The following RAP1GAP2 variants were observed in gnomAD, a reference collection of about 807,000 sequenced individuals.
RAP1GAP2 encodes the protein RAP1 GTPase activating protein 2, also known as rap1 GTPase-activating protein 2.
RAP1GAP2 carries 27 observed loss-of-function variants against 95.0 expected under a neutral mutation model. The ratio of observed to expected loss-of-function variants is 0.28; its 90% CI spans 0.21 to 0.39. The LOEUF (loss-of-function observed/expected upper bound fraction) is 0.39. RAP1GAP2 is among the 10% of genes least tolerant of loss of function. The pLI, the probability that RAP1GAP2 is intolerant of heterozygous loss-of-function variation, is 1.00. For synonymous variants in RAP1GAP2, 373 were observed against 380.9 expected, an observed-to-expected ratio of 0.98 and a Z score of 0.24; for missense variants, 771 against 970.0, an observed-to-expected ratio of 0.79 and a Z score of 2.72.
intron 2 of RAP1GAP2, among the ~76,000 whole-genome samples, chr17:2,888,222 C>A (rs2073568527): frequency 6.6e-6 from 1 of 152,132 alleles, no homozygotes; most frequent in South Asian, 2.1e-4. Flanking sequence ...ATCATCAAAT[C>A]AAGGTAATTA....
At position 3,005,333 on chromosome 17, in the gene RAP1GAP2, C is replaced by G. The variant is rs571951372; in HGVS notation, c.1201-36C>G. ...CCCGTAGGGGCAGCGCTCGTCTCTTCCCTCCAGGTCCGTACCATGACTCTG... is the reference window on the plus strand; with the variant it reads ...CCCGTAGGGGCAGCGCTCGTCTCTTGCCTCCAGGTCCGTACCATGACTCTG... On this transcript the variant is annotated intron_variant, in intron 14 of 24. Transcript: ENST00000254695. The surrounding 1 kb of genome is among the most constrained non-coding windows in gnomAD (Gnocchi z 5.2). 8 of 1,595,828 alleles carry G rather than the reference C, an allele frequency of 5.0e-6. No homozygotes were observed. The African/African-American group carries it at 9.4e-5, about 19-fold the overall frequency.
intron 1 of RAP1GAP2, among the ~76,000 whole-genome samples, chr17:2,787,731 C>G (rs2068822428): frequency 6.6e-6 from 1 of 152,074 alleles, no homozygotes; most frequent in South Asian, 2.1e-4. Context: ...CCACACCTGG[C>G]TAAGTTTTTG....
At chr17:2,832,507 G>A (rs191441740) in intron 2 of RAP1GAP2, among the ~76,000 whole-genome samples, 7 of 145,252 alleles carry the variant, frequency 4.8e-5, no homozygotes, top group Admixed American at 2.1e-4. Context: ...GCAGTGAGCC[G>A]AGATCGCGCC....
At chr17:2,790,929 G>A (rs2068908060) in intron 1 of RAP1GAP2, among the ~76,000 whole-genome samples, 1 of 152,246 alleles carries the variant, frequency 6.6e-6, no homozygotes, top group African/African-American at 2.4e-5. Context: ...GGCGCTGCGA[G>A]CGCCGTGGCT....
intron 1 of RAP1GAP2, among the ~76,000 whole-genome samples, chr17:2,764,018 A>G (rs1173327487): frequency 6.6e-6 from 1 of 152,118 alleles, no homozygotes; most frequent in African/African-American, 2.4e-5. Context: ...CTCATCTATA[A>G]AATAAAGCTG....
intron 13 of RAP1GAP2, 50 bp downstream of exon 13, chr17:2,995,516 GC>G: frequency 1.9e-6 from 3 of 1,607,852 alleles, no homozygotes; most frequent in Non-Finnish European, 2.5e-6. Context: ...CGAGGTGAGG[GC>G]CTGCCTCTGG....
Position 3,027,164 on chromosome 17 carries a change from A to C in RAP1GAP2, c.2107+94A>C, listed in dbSNP as rs986946725. On this transcript the variant is annotated intron_variant, in intron 22 of 24. Coordinates refer to ENST00000254695, the MANE Select transcript of RAP1GAP2 (RefSeq NM_015085.5). The surrounding 1 kb of genome is among the most constrained non-coding windows in gnomAD (Gnocchi z 5.2). The stretch of plus-strand genomic sequence containing the variant: ...GGGCCCCAGCCACGCTGAACTGGCC[A>C]GTTTTCACCCCTCCTCCCAGCTGTG... The C allele has an allele frequency of 7.0e-7, 1 of 1,428,896 alleles. No homozygotes were observed. The highest frequency in any genetic ancestry group is 1.9e-4 in the Middle Eastern group (1 of 5,296). The allele number at this position is 1,428,896 out of a possible 1,614,324, so 88.5% of individuals were successfully genotyped here.
intron 1 of RAP1GAP2, among the ~76,000 whole-genome samples, chr17:2,786,946 C>CTTTTTT (rs67990731): frequency 2.4e-4 from 14 of 58,278 alleles, no homozygotes; most frequent in Non-Finnish European, 3.0e-4. Context: ...CGCTCCCAGC[C>CTTTTTT]TTTTTTTTTT....
At chr17:2,781,576 G>C (rs1326324729) in intron 1 of RAP1GAP2, among the ~76,000 whole-genome samples, 1 of 99,926 alleles carries the variant, frequency 1.0e-5, no homozygotes, top group African/African-American at 3.9e-5. Context: ...GTGTGTGCAG[G>C]TCTCTGTGTG....
intron 18 of RAP1GAP2, among the ~76,000 whole-genome samples, chr17:3,019,819 G>A (rs1017156271): frequency 6.6e-6 from 1 of 152,182 alleles, no homozygotes; most frequent in Non-Finnish European, 1.5e-5. Context: ...GCCTGAGTTG[G>A]AGGCTTGGTG....
rs750417099 is a variant in RAP1GAP2 at position 2,948,984 on chromosome 17, T to C, written c.166-8775T>C. On this transcript the variant is annotated intron_variant, in intron 3 of 24. Coordinates refer to ENST00000254695, the MANE Select transcript of RAP1GAP2 (RefSeq NM_015085.5). ...AAGCCTAAATTACTCCTTGTGGTTCTTGTTCACGTCTGCCCCTGCTACCTG... is the reference window on the plus strand; with the variant it reads ...AAGCCTAAATTACTCCTTGTGGTTCCTGTTCACGTCTGCCCCTGCTACCTG... Among the ~76,000 whole-genome samples, 23 of 152,330 alleles carry C rather than the reference T, an allele frequency of 1.5e-4. 1 individual carries two copies. In the Middle Eastern group the frequency reaches 0.014, roughly 90 times the overall value.
intron 1 of RAP1GAP2, among the ~76,000 whole-genome samples, chr17:2,759,246 G>A (rs1279932740): frequency 2.0e-5 from 3 of 152,084 alleles, no homozygotes; most frequent in Non-Finnish European, 4.4e-5. Flanking sequence ...ATCTATATCT[G>A]TGCATACTTG....
intron 2 of RAP1GAP2, among the ~76,000 whole-genome samples, chr17:2,875,495 G>A (rs891616674): frequency 2.6e-5 from 4 of 152,132 alleles, no homozygotes; most frequent in African/African-American, 4.8e-5. Flanking sequence ...GAGTGATGGC[G>A]TCCAGTGTAT....
chr17:2,890,685 CTTTTT>C (rs374485374), intron 2 of RAP1GAP2, among the ~76,000 whole-genome samples: 5 of 136,206 alleles, frequency 3.7e-5, no homozygotes, highest in Non-Finnish European at 6.3e-5. Flanking sequence ...TCAGTGTTTA[CTTTTT>C]TTTTTTTTTT....
chr17:2,955,608 A>G (rs1376837669), intron 3 of RAP1GAP2, among the ~76,000 whole-genome samples: 1 of 152,180 alleles, frequency 6.6e-6, no homozygotes, highest in Non-Finnish European at 1.5e-5. Context: ...AGGAATTCGT[A>G]TTAACTTTTC....
intron 3 of RAP1GAP2, among the ~76,000 whole-genome samples, chr17:2,939,919 C>G (rs1473158240): frequency 6.6e-6 from 1 of 152,256 alleles, no homozygotes; most frequent in Non-Finnish European, 1.5e-5. Context: ...GGGCGGACAC[C>G]CGAGTCCTGT....
At chr17:2,794,031 GGAGGTTGCAGTGAGCCGTGCCACT>G (rs1337486098), upstream of RAP1GAP2, among the ~76,000 whole-genome samples, 1 of 151,448 alleles carries the variant, frequency 6.6e-6, no homozygotes, top group African/African-American at 2.4e-5. Context: ...CCAGGGAGGT[GGAGGTTGCAGTGAGCCGTGCCACT>G]GCACTCCAGC....
In RAP1GAP2 at chr17:3,018,125, G is replaced by A; in HGVS notation, c.1559G>A (p.Ser520Asn). ...GTGGGCGGCCAGAAGAAGTCGCACA[G>A]TGGGGGCATCCCTGGCAGCCTCAGC... ...TMVGGQKKSH[S>N]GGIPGSLSGG... The change falls in exon 18 of 25, where the codon AGT becomes AAT. Residue 520 changes from serine (S) to asparagine (N), a missense_variant. Physicochemically the swap from Ser to Asn is conservative, Grantham distance 46. Coordinates refer to ENST00000254695, the MANE Select transcript of RAP1GAP2 (RefSeq NM_015085.5). 6.3e-7 allele frequency: 1 copy of A among 1,589,418 alleles called. No homozygotes were observed. The highest frequency in any genetic ancestry group is 8.6e-7 in the Non-Finnish European group (1 of 1,168,402).
chr17:3,019,209 G>C (rs765956095), intron 18 of RAP1GAP2, among the ~76,000 whole-genome samples: 21 of 152,280 alleles, frequency 1.4e-4, no homozygotes, highest in Non-Finnish European at 2.6e-4. Flanking sequence ...CTCGTACCAG[G>C]GGCTGGGAAG....
Sources: allele counts gnomAD v4.1 joint callset (sites outside exome capture counted in the v4.1 genomes callset), GRCh38; gene constraint gnomAD v4.1.1; non-coding constraint Gnocchi (gnomAD v3.1); transcripts MANE v1.5; gene names NCBI Gene and HGNC (gene_info 2026-07-23, HGNC 2026-07-21).